ASH2L: variants seen among roughly 807,000 people sequenced by gnomAD.
The protein encoded by ASH2L is ASH2 like, histone lysine methyltransferase complex subunit.
Under a neutral mutation model 81.1 loss-of-function variants are expected in ASH2L, and 30 were observed. The observed-to-expected ratio is 0.37, with a 90% CI of 0.28 to 0.50. The LOEUF (loss-of-function observed/expected upper bound fraction) is 0.50. ASH2L is among the 20% of genes least tolerant of loss of function. The probability of loss-of-function intolerance (pLI) is 0.95; values close to 1 mark genes in which losing one functional copy is unlikely to be tolerated. For missense variants in ASH2L, 559 were observed against 792.1 expected, an observed-to-expected ratio of 0.71 and a Z score of 3.53; for synonymous variants, 273 against 279.9, an observed-to-expected ratio of 0.98 and a Z score of 0.24.
chr8:38,107,718 C>G (rs940608388), intron 3 of ASH2L, among the ~76,000 whole-genome samples: 2 of 152,064 alleles, frequency 1.3e-5, no homozygotes, highest in Admixed American at 1.3e-4. Context: ...CTTATACTGA[C>G]TGTCTGTTGG....
chr8:38,127,279 GC>G (rs1446603373), intron 10 of ASH2L, among the ~76,000 whole-genome samples: 1 of 150,924 alleles, frequency 6.6e-6, no homozygotes, highest in Non-Finnish European at 1.5e-5. Flanking sequence ...GCTATGGTGA[GC>G]TGTGGTTGTG....
chr8:38,113,277 G>A (rs188271661), intron 5 of ASH2L, among the ~76,000 whole-genome samples: 1 of 152,108 alleles, frequency 6.6e-6, no homozygotes, highest in Admixed American at 6.6e-5. Context: ...GCTCTTGTTG[G>A]ATTTTTTCAT....
At chr8:38,134,284 TC>T (rs1802171460) in intron 13 of ASH2L, among the ~76,000 whole-genome samples, 1 of 131,432 alleles carries the variant, frequency 7.6e-6, no homozygotes, top group African/African-American at 2.9e-5. Context: ...CCCTGCCAAA[TC>T]CCCCTCTGTG....
intron 3 of ASH2L, among the ~76,000 whole-genome samples, chr8:38,107,773 A>G (rs1810505781): frequency 6.6e-6 from 1 of 151,960 alleles, no homozygotes; most frequent in Non-Finnish European, 1.5e-5. Context: ...TATGGTTTGT[A>G]TTATGCTAAT....
At chr8:38,132,408 A>C (rs1222286369) in intron 12 of ASH2L, among the ~76,000 whole-genome samples, 1 of 152,242 alleles carries the variant, frequency 6.6e-6, no homozygotes, top group East Asian at 1.9e-4. Flanking sequence ...TAGACTCTTA[A>C]GAACCAGTAA....
chr8:38,112,296 GCC>G (rs1810717817), intron 5 of ASH2L, among the ~76,000 whole-genome samples: 1 of 147,422 alleles, frequency 6.8e-6, no homozygotes, highest in African/African-American at 2.6e-5. Flanking sequence ...AACACACCCA[GCC>G]CCTTTATTTA....
chr8:38,122,247 ATTTCT>A (rs1440200510), intron 10 of ASH2L: 1 of 151,966 alleles, frequency 6.6e-6, no homozygotes, highest in Non-Finnish European at 1.5e-5. Context: ...TAAAAAAAAA[ATTTCT>A]TTACTTTGAG....
At chr8:38,124,950 G>A (rs919865674) in intron 10 of ASH2L, among the ~76,000 whole-genome samples, 3 of 152,176 alleles carry the variant, frequency 2.0e-5, no homozygotes, top group African/African-American at 7.2e-5. Context: ...AGCGGAGCAG[G>A]CGTTAGATGG....
rs1363972188 is a variant in ASH2L, at chr8:38,121,028, T to A, written c.1044T>A (p.Pro348=). Residue 348 remains proline (P), a synonymous_variant, in exon 10 of 16, where the codon CCT becomes CCA. Coordinates refer to ENST00000343823, the MANE Select transcript of ASH2L (RefSeq NM_004674.5). Reference sequence around the variant, plus strand: ...GCTATCGGTATATTCTAGCTGAGCCTGATCCGCACGCCCCTGACCCCGAGA... The same window carrying A: ...GCTATCGGTATATTCTAGCTGAGCCAGATCCGCACGCCCCTGACCCCGAGA... ...KDGYRYILAE[P]DPHAPDPEKL... is the part of the protein sequence containing the mutation. 7 of 1,613,832 alleles carry A rather than the reference T, an allele frequency of 4.3e-6. No individual in the cohort carries two copies. Among genetic ancestry groups the A allele is most frequent in the Non-Finnish European group, 5.1e-6 (6 of 1,179,978 alleles).
chr8:38,121,425 A>C (rs1028949293), intron 10 of ASH2L, among the ~76,000 whole-genome samples: 2 of 146,052 alleles, frequency 1.4e-5, no homozygotes, highest in Non-Finnish European at 3.0e-5. Flanking sequence ...ACTTGCAGTA[A>C]AGTTGCCAAA....
At chr8:38,111,432 A>G (rs1465858236) in intron 5 of ASH2L, among the ~76,000 whole-genome samples, 4 of 150,480 alleles carry the variant, frequency 2.7e-5, no homozygotes, top group Non-Finnish European at 5.9e-5. Flanking sequence ...AAAAGTTTCA[A>G]GGTGGAATGT....
At chr8:38,114,339 T>C in intron 6 of ASH2L, 52 bp downstream of exon 6, 1 of 1,173,648 alleles carries the variant, frequency 8.5e-7, no homozygotes, top group Non-Finnish European at 1.2e-6. Context: ...CATTGTTTTT[T>C]GTAAGAATTC....
At chr8:38,132,331 A>C (rs1345288018) in intron 12 of ASH2L, among the ~76,000 whole-genome samples, 1 of 152,212 alleles carries the variant, frequency 6.6e-6, no homozygotes, top group East Asian at 1.9e-4. Context: ...TTTAATACAT[A>C]TATATGTTAA....
intron 3 of ASH2L, among the ~76,000 whole-genome samples, chr8:38,108,098 C>G (rs1331726309): frequency 6.6e-6 from 1 of 152,082 alleles, no homozygotes; most frequent in East Asian, 1.9e-4. Flanking sequence ...CCACACCCAG[C>G]TTTCCTTTAT....
At chr8:38,110,348 C>G in intron 3 of ASH2L, 31 bp from the exon 4 acceptor site, 2 of 1,521,704 alleles carry the variant, frequency 1.3e-6, no homozygotes, top group Non-Finnish European at 1.8e-6. Context: ...TTCACAAGTT[C>G]ACTAATTCGT....
At chr8:38,113,214 C>G (rs956993061) in intron 5 of ASH2L, among the ~76,000 whole-genome samples, 1 of 152,128 alleles carries the variant, frequency 6.6e-6, no homozygotes, top group Non-Finnish European at 1.5e-5. Context: ...AAGTGATCCA[C>G]CCACCTCAGC....
chr8:38,116,467 A>G (rs1810904815), intron 7 of ASH2L, among the ~76,000 whole-genome samples, 183 bp from the exon 8 acceptor site: 1 of 152,190 alleles, frequency 6.6e-6, no homozygotes, highest in African/African-American at 2.4e-5. Flanking sequence ...TGGAAGGCAG[A>G]AGTTGCAGTA....
At position 38,128,384 on chromosome 8, in the gene ASH2L, C is replaced by T. The variant is rs774854894; in HGVS notation, c.1259C>T (p.Ala420Val). Residue 420 changes from alanine (A) to valine (V), a missense_variant, in exon 11 of 16, where the codon GCC becomes GTC. Physicochemically the swap from Ala to Val is moderately conservative, Grantham distance 64. Transcript: ENST00000343823. ...GCCTCTCATGGAGTACGGAAAGGTGCCTGGTATTTTGAAATCACTGTGGAT... is the reference window on the plus strand; with the variant it reads ...GCCTCTCATGGAGTACGGAAAGGTGTCTGGTATTTTGAAATCACTGTGGAT... ...VRASHGVRKG[A>V]WYFEITVDEM... 1.2e-6 allele frequency: 2 copies of T among 1,613,948 alleles called. No individual in the cohort carries two copies. The highest frequency in any genetic ancestry group is 8.5e-7 in the Non-Finnish European group (1 of 1,180,022).
chr8:38,123,762 G>A (rs978342385), intron 10 of ASH2L, among the ~76,000 whole-genome samples: 1 of 152,078 alleles, frequency 6.6e-6, no homozygotes, highest in South Asian at 2.1e-4. Context: ...TCACACTCTA[G>A]TTTCTAGTTT....
Sources: gnomAD v4.1 joint callset for allele counts (sites outside exome capture counted in the v4.1 genomes callset) on GRCh38, gnomAD v4.1.1 for gene constraint, MANE v1.5 for transcripts, NCBI Gene and HGNC (gene_info 2026-07-23, HGNC 2026-07-21) for gene names.